Variants in SRGAP2C observed in about 807,000 individuals in gnomAD.
SRGAP2C encodes the protein SLIT-ROBO Rho GTPase-activating protein 2C.
SRGAP2C carries 15 observed loss-of-function variants against 25.1 expected under a neutral mutation model. That is an observed-to-expected ratio of 0.60 (90% CI 0.40 to 0.92). The LOEUF (loss-of-function observed/expected upper bound fraction) is 0.92, where lower values mean the gene tolerates loss of function less well. Ranked by LOEUF, SRGAP2C falls within the 40% of genes least tolerant of loss-of-function variation. The pLI is 0.00. For synonymous variants in SRGAP2C, 44 were observed against 96.6 expected (o/e 0.46, Z 3.19); for missense variants, 144 against 264.4 (o/e 0.54, Z 3.16).
intron 3 of SRGAP2C, among the ~76,000 whole-genome samples, chr1:121,296,097 G>T (rs1429112580): frequency 2.0e-5 from 3 of 146,946 alleles, no homozygotes; most frequent in South Asian, 4.4e-4. Flanking sequence ...TTAGGAGAAA[G>T]AATTGTTTTT....
intron 2 of SRGAP2C, among the ~76,000 whole-genome samples, chr1:121,222,586 C>T (rs587693248): frequency 6.6e-6 from 1 of 152,122 alleles, no homozygotes; most frequent in African/African-American, 2.4e-5. Context: ...GTAATCATGC[C>T]TCTACACTCT....
At chr1:121,345,585 A>G in intron 4 of SRGAP2C, among the ~76,000 whole-genome samples, 1 of 151,796 alleles carries the variant, frequency 6.6e-6, no homozygotes, top group Non-Finnish European at 1.5e-5. Context: ...AAATTCTGAA[A>G]TGGGGGAAAA....
At chr1:121,278,070 A>G (rs2101558833) in intron 2 of SRGAP2C, among the ~76,000 whole-genome samples, 1 of 150,750 alleles carries the variant, frequency 6.6e-6, no homozygotes, top group South Asian at 2.1e-4. Context: ...CCTCCCAAGT[A>G]GCTGGGACTA....
chr1:121,340,272 AG>A (rs1177330897), intron 4 of SRGAP2C, among the ~76,000 whole-genome samples: 1 of 151,824 alleles, frequency 6.6e-6, no homozygotes, highest in Non-Finnish European at 1.5e-5. Context: ...GAGTAGAAAA[AG>A]CATTCTCTTT....
chr1:121,213,982 G>C (rs1236195786), intron 2 of SRGAP2C, among the ~76,000 whole-genome samples: 19 of 144,398 alleles, frequency 1.3e-4, no homozygotes, highest in Admixed American at 1.3e-3. Flanking sequence ...TATCTTGTGA[G>C]CTAAGCAGGT....
chr1:121,285,404 T>TCTCA (rs1553336851), intron 3 of SRGAP2C, among the ~76,000 whole-genome samples: 76 of 124,256 alleles, frequency 6.1e-4, no homozygotes, highest in African/African-American at 1.5e-3. Context: ...TCTCTCTCTC[T>TCTCA]CACACACACA....
rs142763250 is a variant in SRGAP2C at position 121,347,629 on chromosome 1, A to G, written c.424-17664A>G. On this transcript the variant is annotated intron_variant, in intron 4 of 9. Transcript: ENST00000367123. ...CTACATATTTGGCTGCAAAGCCCTAATGCCAGGAGGAATGCAGAACTGACG... is the reference window on the plus strand; with the variant it reads ...CTACATATTTGGCTGCAAAGCCCTAGTGCCAGGAGGAATGCAGAACTGACG... Among the ~76,000 whole-genome samples, 810 of 152,342 alleles carry G rather than the reference A, an allele frequency of 5.3e-3. 11 individuals are homozygous for G. Among genetic ancestry groups the G allele is most frequent in the African/African-American group, 0.018 (753 of 41,580 alleles).
At chr1:121,288,750 T>TA (rs1309923093) in intron 3 of SRGAP2C, among the ~76,000 whole-genome samples, 1 of 57,478 alleles carries the variant, frequency 1.7e-5, no homozygotes, top group Non-Finnish European at 3.5e-5. Flanking sequence ...AGCAGCTAGA[T>TA]ACAGAGTGTC....
intron 4 of SRGAP2C, chr1:121,362,318 G>T (rs1659213343): frequency 7.0e-6 from 1 of 142,516 alleles, no homozygotes; most frequent in African/African-American, 2.6e-5. Flanking sequence ...TTTTAAGTGG[G>T]CTCGCTACAC....
At position 121,392,262 on chromosome 1, in the gene SRGAP2C, CTT is replaced by C. The variant is rs1361549480; in HGVS notation, c.*4409_*4410del. The stretch of plus-strand genomic sequence containing the variant: ...TTATGTTGTTAAAAAGTTTACCATT[CTT>C]TCTTTTCACCTTTCTTCCTTCTTCC... On this transcript the variant is annotated 3_prime_UTR_variant, in exon 10 of 10. Coordinates refer to ENST00000367123, the MANE Select transcript of SRGAP2C (RefSeq NM_001329984.2). The C allele has an allele frequency of 4.6e-5, 7 of 152,134 alleles. No homozygotes were observed. The highest frequency in any genetic ancestry group is 2.6e-4 in the Admixed American group (4 of 15,284). The allele number at this position is 152,134 out of a possible 1,614,324, so 9.4% of individuals were successfully genotyped here.
chr1:121,356,537 C>T (rs1553347643), intron 4 of SRGAP2C, among the ~76,000 whole-genome samples: 2 of 151,122 alleles, frequency 1.3e-5, no homozygotes, highest in South Asian at 2.1e-4. Flanking sequence ...TTTGAGCTCT[C>T]GTGTTGCCTG....
At chr1:121,329,929 A>G (rs1323162073) in intron 4 of SRGAP2C, among the ~76,000 whole-genome samples, 1 of 151,364 alleles carries the variant, frequency 6.6e-6, no homozygotes, top group Non-Finnish European at 1.5e-5. Flanking sequence ...AGTCTGTCTA[A>G]CCTCTGTTGG....
chr1:121,319,516 A>G (rs1201302855), intron 3 of SRGAP2C, among the ~76,000 whole-genome samples: 6 of 150,130 alleles, frequency 4.0e-5, no homozygotes, highest in Admixed American at 2.7e-4. Context: ...GCTCTTCACC[A>G]TGGATATTTT....
In SRGAP2C at chr1:121,185,057, A is replaced by G; in HGVS notation, c.-610A>G. On this transcript the variant is annotated 5_prime_UTR_variant, in exon 1 of 10. Transcript: ENST00000367123. Reference sequence around the variant, plus strand: ...TCTGCGTAGAAACGGGTGGCGGGGAAGAGAGGGGAGGAGAGCTCTGAGTGG... The same window carrying G: ...TCTGCGTAGAAACGGGTGGCGGGGAGGAGAGGGGAGGAGAGCTCTGAGTGG... The G allele has an allele frequency of 2.0e-6, 1 of 499,616 alleles. No individual in the cohort carries two copies. Among genetic ancestry groups the G allele is most frequent in the East Asian group, 3.3e-5 (1 of 30,628 alleles). 30.9% of individuals were successfully genotyped at this position (499,616 alleles called of 1,614,324 possible).
chr1:121,320,776 A>G (rs1276597779), intron 3 of SRGAP2C, among the ~76,000 whole-genome samples: 9 of 152,168 alleles, frequency 5.9e-5, no homozygotes, highest in African/African-American at 1.7e-4. Flanking sequence ...ATCATCACCT[A>G]GCAGCTATTC....
chr1:121,271,002 T>G (rs1165037890), intron 2 of SRGAP2C, among the ~76,000 whole-genome samples: 1 of 151,658 alleles, frequency 6.6e-6, no homozygotes, highest in African/African-American at 2.4e-5. Context: ...TTTCACTGTG[T>G]TAGCCAGGAT....
chr1:121,279,426 G>C (rs1230632081), intron 2 of SRGAP2C, among the ~76,000 whole-genome samples: 1 of 142,936 alleles, frequency 7.0e-6, no homozygotes. Flanking sequence ...CTGAAGTGAG[G>C]GCAGTTTTCA....
chr1:121,289,396 C>A (rs1425239805), intron 3 of SRGAP2C, among the ~76,000 whole-genome samples: 23 of 149,876 alleles, frequency 1.5e-4, no homozygotes, highest in Non-Finnish European at 1.9e-4. Context: ...CTGGCTGCTC[C>A]GAGTGCGGGG....
intron 2 of SRGAP2C, among the ~76,000 whole-genome samples, chr1:121,212,501 TG>T (rs587702063): frequency 4.4e-4 from 66 of 151,700 alleles, no homozygotes; most frequent in African/African-American, 1.5e-3. Context: ...CAGTATTGTA[TG>T]GGGAGCTCTG....
Sources: gnomAD v4.1 joint callset for allele counts (sites outside exome capture counted in the v4.1 genomes callset) on GRCh38, gnomAD v4.1.1 for gene constraint, MANE v1.5 for transcripts, NCBI Gene and HGNC (gene_info 2026-07-23, HGNC 2026-07-21) for gene names.